Variants in U2SURP observed in about 807,000 individuals in gnomAD.
U2SURP encodes the protein U2 snRNP-associated SURP motif-containing protein.
In U2SURP, 9 loss-of-function variants were observed where a neutral mutation model predicts 144.9. The ratio of observed to expected loss-of-function variants is 0.06; its 90% confidence interval spans 0.04 to 0.11. The LOEUF (loss-of-function observed/expected upper bound fraction) is 0.11, where lower values mean the gene tolerates loss of function less well. U2SURP is among the 10% of genes least tolerant of loss of function. The probability of loss-of-function intolerance (pLI) is 1.00; values close to 1 mark genes in which losing one functional copy is unlikely to be tolerated. For synonymous variants in U2SURP, 408 were observed against 396.8 expected (o/e 1.03, Z -0.33); for missense variants, 724 against 1,226.7 (o/e 0.59, Z 6.12).
At chr3:143,010,173 G>A (rs997529398) in intron 1 of U2SURP, among the ~76,000 whole-genome samples, 23 of 152,178 alleles carry the variant, frequency 1.5e-4, no homozygotes, top group East Asian at 5.8e-4. Flanking sequence ...TAATCTGATA[G>A]GTAGATCACT....
intron 17 of U2SURP, 83 bp from the exon 18 acceptor site, chr3:143,033,182 ATAACTC>A (rs1168469979): frequency 2.2e-6 from 2 of 903,472 alleles, no homozygotes; most frequent in Admixed American, 2.4e-5. Flanking sequence ...TGAGCTTCAT[ATAACTC>A]TTCTAATTAG....
chr3:143,028,247 AT>A, intron 14 of U2SURP, 92 bp from the exon 15 acceptor site: 2 of 1,395,246 alleles, frequency 1.4e-6, no homozygotes, highest in Non-Finnish European at 2.0e-6. Flanking sequence ...TTAGAACTAA[AT>A]AGGCAAATAA....
Position 143,055,009 on chromosome 3 carries a change from A to G in U2SURP, c.2841A>G (p.Pro947=). The G allele has an allele frequency of 6.2e-6, 10 of 1,609,318 alleles. No individual in the cohort carries two copies. Among genetic ancestry groups the G allele is most frequent in the Non-Finnish European group, 7.6e-6 (9 of 1,177,886 alleles). The change falls in exon 27 of 28, where the codon CCA becomes CCG. Residue 947 remains proline (P), a synonymous_variant. Transcript: ENST00000473835. ...RSSSGRRVKS[P]SPKSERSERS... ...GCAGTGGTAGACGAGTGAAATCCCCATCACCAAAATCGGAGCGATCAGAGC... is the reference window on the plus strand; with the variant it reads ...GCAGTGGTAGACGAGTGAAATCCCCGTCACCAAAATCGGAGCGATCAGAGC...
At position 143,057,776 on chromosome 3, in the gene U2SURP, A is replaced by AT. The variant is rs1214545367; in HGVS notation, c.*1329dup. 4 of 151,530 alleles carry AT rather than the reference A, an allele frequency of 2.6e-5. No individual in the cohort carries two copies. Among genetic ancestry groups the AT allele is most frequent in the Non-Finnish European group, 5.9e-5 (4 of 67,702 alleles). The allele number at this position is 151,530 out of a possible 1,614,324, so 9.4% of individuals were successfully genotyped here. On this transcript the variant is annotated 3_prime_UTR_variant, in exon 28 of 28. Coordinates refer to ENST00000473835, the MANE Select transcript of U2SURP (RefSeq NM_001080415.2). ...ACTATTCTAACAATGGATTATTTTG[A>AT]TTTAGCTTGCTTTTTAAAAAAATCT...
chr3:143,002,706 C>T (rs966648384), intron 1 of U2SURP, among the ~76,000 whole-genome samples: 3 of 152,204 alleles, frequency 2.0e-5, no homozygotes, highest in East Asian at 1.9e-4. Flanking sequence ...GTTTACAGTT[C>T]TGAGAAACAT....
At chr3:143,035,942 C>T in intron 19 of U2SURP, 40 bp from the exon 20 acceptor site, 2 of 1,555,870 alleles carry the variant, frequency 1.3e-6, no homozygotes, top group Non-Finnish European at 1.7e-6. Flanking sequence ...AGACATATAG[C>T]CCAAAATAAA....
At chr3:143,024,321 G>GT (rs1202649353) in intron 13 of U2SURP, among the ~76,000 whole-genome samples, 1 of 152,248 alleles carries the variant, frequency 6.6e-6, no homozygotes, top group South Asian at 2.1e-4. Flanking sequence ...GAAAATAGAT[G>GT]TTTTAAGTGT....
chr3:143,060,434 C>T lies in U2SURP; in HGVS notation c.*3984C>T, dbSNP rs1469935622. On this transcript the variant is annotated 3_prime_UTR_variant, in exon 28 of 28. Coordinates refer to ENST00000473835, the MANE Select transcript of U2SURP (RefSeq NM_001080415.2). ...TGAGCTGCTTTCCAGATCAGACTGT[C>T]ACTTTATAGTTTTTCTACATAAAGA... The T allele has an allele frequency of 6.6e-6, 1 of 151,972 alleles. No individual in the cohort carries two copies. Among genetic ancestry groups the T allele is most frequent in the Non-Finnish European group, 1.5e-5 (1 of 67,866 alleles). The allele number at this position is 151,972 out of a possible 1,614,324, so 9.4% of individuals were successfully genotyped here. A position where few individuals can be genotyped will look rare whatever the true frequency, so the allele number is the denominator to read the frequency against.
At chr3:143,043,876 C>T (rs546938600) in intron 24 of U2SURP, among the ~76,000 whole-genome samples, 6 of 151,352 alleles carry the variant, frequency 4.0e-5, no homozygotes, top group African/African-American at 7.3e-5. Context: ...TCACGCCATT[C>T]GCCTGCCTCA....
chr3:143,018,003 C>T (rs1186601892), intron 6 of U2SURP, among the ~76,000 whole-genome samples: 1 of 151,758 alleles, frequency 6.6e-6, no homozygotes, highest in Non-Finnish European at 1.5e-5. Flanking sequence ...TGGAGGATGG[C>T]TTGAGCCCAG....
intron 23 of U2SURP, 79 bp downstream of exon 23, chr3:143,039,039 TAGTG>T: frequency 9.6e-7 from 1 of 1,047,064 alleles, no homozygotes; most frequent in Non-Finnish European, 1.3e-6. Context: ...GTTGAAATAA[TAGTG>T]AAGTGGAAAA....
intron 8 of U2SURP, 101 bp from the exon 9 acceptor site, chr3:143,021,249 G>A: frequency 7.6e-7 from 1 of 1,309,356 alleles, no homozygotes; most frequent in Non-Finnish European, 1.1e-6. Flanking sequence ...TTGTCTCTCA[G>A]AAATACCTTA....
chr3:143,032,197 C>T (rs148683190), intron 16 of U2SURP, among the ~76,000 whole-genome samples: 1,880 of 152,134 alleles, frequency 0.012, 13 homozygotes, highest in Non-Finnish European at 0.018. Context: ...CTCAGCCTCC[C>T]GAGTAGCTGG....
chr3:143,032,771 A>G lies in U2SURP; in HGVS notation c.1611-13A>G. Reference sequence around the variant, plus strand: ...TATCTAAATATTTATAAGTTAAAACAATTTATGTTCAGACAGAGGGATAAA... The same window carrying G: ...TATCTAAATATTTATAAGTTAAAACGATTTATGTTCAGACAGAGGGATAAA... On this transcript the variant is annotated splice_polypyrimidine_tract_variant and intron_variant, in intron 16 of 27. Coordinates refer to ENST00000473835, the MANE Select transcript of U2SURP (RefSeq NM_001080415.2). 1 of 1,601,930 alleles carries G rather than the reference A, an allele frequency of 6.2e-7. No homozygotes were observed.
intron 23 of U2SURP, among the ~76,000 whole-genome samples, chr3:143,042,863 C>T (rs1934190781): frequency 6.6e-6 from 1 of 152,148 alleles, no homozygotes; most frequent in Non-Finnish European, 1.5e-5. Flanking sequence ...CAGATAACAA[C>T]ATAAGCAGAA....
At position 143,028,739 on chromosome 3, in the gene U2SURP, A is replaced by C. The variant is rs1933303840; in HGVS notation, c.1610+93A>C. On this transcript the variant is annotated intron_variant, in intron 16 of 27. Transcript: ENST00000473835. Reference sequence around the variant, plus strand: ...CTTATTAAGATGTTAACCCTAAAATAAATTTTTTTCACTTGTGAATGTTTA... The same window carrying C: ...CTTATTAAGATGTTAACCCTAAAATCAATTTTTTTCACTTGTGAATGTTTA... 2.6e-6 allele frequency: 3 copies of C among 1,144,646 alleles called. No homozygotes were observed. In the South Asian group the frequency reaches 5.1e-5, roughly 19 times the overall value. 70.9% of individuals were successfully genotyped at this position (1,144,646 alleles called of 1,614,324 possible). A position where few individuals can be genotyped will look rare whatever the true frequency, so the allele number is the denominator to read the frequency against.
rs1935249174 is a variant in U2SURP at position 143,058,449 on chromosome 3, C to T, written c.*1999C>T. The T allele has an allele frequency of 6.6e-6, 1 of 151,844 alleles. No individual in the cohort carries two copies. Among genetic ancestry groups the T allele is most frequent in the East Asian group, 1.9e-4 (1 of 5,180 alleles). 9.4% of individuals were successfully genotyped at this position (151,844 alleles called of 1,614,324 possible). On this transcript the variant is annotated 3_prime_UTR_variant, in exon 28 of 28. Coordinates refer to ENST00000473835, the MANE Select transcript of U2SURP (RefSeq NM_001080415.2). ...TTTTTCTGGATCCAGATACAAGTGT[C>T]ATGGTTTATCTTACAGTGGGTGAAA...
intron 19 of U2SURP, 111 bp downstream of exon 19, chr3:143,035,086 T>G: frequency 1.9e-6 from 1 of 517,900 alleles, no homozygotes; most frequent in South Asian, 5.6e-5. Flanking sequence ...ATTTAAAACT[T>G]AGATGTTACA....
At chr3:143,039,805 A>T (rs532967722) in intron 23 of U2SURP, among the ~76,000 whole-genome samples, 1 of 151,914 alleles carries the variant, frequency 6.6e-6, no homozygotes, top group South Asian at 2.1e-4. Flanking sequence ...AATGTGATCA[A>T]TCAGCAGGCT....
Sources: gnomAD v4.1 joint callset for allele counts (sites outside exome capture counted in the v4.1 genomes callset) on GRCh38, gnomAD v4.1.1 for gene constraint, MANE v1.5 for transcripts, NCBI Gene and HGNC (gene_info 2026-07-23, HGNC 2026-07-21) for gene names.